Variants in SLC16A12 observed in about 807,000 individuals in gnomAD.
SLC16A12 encodes monocarboxylate transporter 12.
A neutral mutation model predicts 42.4 loss-of-function variants in SLC16A12; 17 were observed. That is an observed-to-expected ratio of 0.40 (90% confidence interval 0.27 to 0.60). The LOEUF (loss-of-function observed/expected upper bound fraction) is 0.60. Ranked by LOEUF, SLC16A12 falls within the 20% of genes least tolerant of loss-of-function variation. SLC16A12 has a pLI of 0.42. For synonymous variants in SLC16A12, 224 were observed against 229.4 expected (o/e 0.98, Z 0.21); for missense variants, 544 against 623.0 (o/e 0.87, Z 1.35).
At chr10:89,521,796 G>A (rs1190586153) in intron 2 of SLC16A12, among the ~76,000 whole-genome samples, 1 of 152,210 alleles carries the variant, frequency 6.6e-6, no homozygotes, top group Non-Finnish European at 1.5e-5. Context: ...CCTGTGATGT[G>A]TGTTGTTTTG....
At chr10:89,442,471 AT>A (rs1841929280) in intron 4 of SLC16A12, among the ~76,000 whole-genome samples, 1 of 152,188 alleles carries the variant, frequency 6.6e-6, no homozygotes, top group Admixed American at 6.5e-5. Context: ...GATTATGAAT[AT>A]CCTCCAAAAG....
chr10:89,511,488 C>A (rs1843161367), intron 2 of SLC16A12, among the ~76,000 whole-genome samples: 1 of 152,108 alleles, frequency 6.6e-6, no homozygotes, highest in Admixed American at 6.6e-5. Context: ...GAAGAGAAAA[C>A]CAAATGCTGC....
chr10:89,468,575 G>T (rs1287989228), intron 2 of SLC16A12, among the ~76,000 whole-genome samples: 1 of 152,196 alleles, frequency 6.6e-6, no homozygotes, highest in African/African-American at 2.4e-5. Flanking sequence ...CACGACAAAA[G>T]GAAGGGGGGA....
chr10:89,487,646 C>CAAA (rs761297191), intron 2 of SLC16A12, among the ~76,000 whole-genome samples: 15 of 106,352 alleles, frequency 1.4e-4, no homozygotes, highest in African/African-American at 4.8e-4. Flanking sequence ...ACTAAAAATA[C>CAAA]AAAAAAAAAA....
intron 2 of SLC16A12, among the ~76,000 whole-genome samples, chr10:89,549,250 A>G (rs1165426040): frequency 2.0e-5 from 3 of 152,228 alleles, no homozygotes; most frequent in Non-Finnish European, 4.4e-5. Flanking sequence ...GATAAAACCA[A>G]TACACATAAG....
intron 2 of SLC16A12, among the ~76,000 whole-genome samples, chr10:89,519,728 G>T (rs1843318711): frequency 6.6e-6 from 1 of 151,912 alleles, no homozygotes; most frequent in South Asian, 2.1e-4. Context: ...TATTGTCATT[G>T]CAGGGGGTGG....
chr10:89,471,949 T>C (rs572559678), intron 2 of SLC16A12, among the ~76,000 whole-genome samples: 2 of 152,314 alleles, frequency 1.3e-5, no homozygotes, highest in South Asian at 2.1e-4. Flanking sequence ...ATTCAAGTAT[T>C]ATGCCTATAT....
intron 3 of SLC16A12, among the ~76,000 whole-genome samples, chr10:89,451,997 C>T (rs1050476467): frequency 6.6e-6 from 1 of 152,192 alleles, no homozygotes; most frequent in East Asian, 1.9e-4. Flanking sequence ...TGAACCAAAA[C>T]CTGCTTCAAA....
chr10:89,536,231 G>A (rs574070708), upstream of SLC16A12, among the ~76,000 whole-genome samples: 1 of 152,250 alleles, frequency 6.6e-6, no homozygotes, highest in Non-Finnish European at 1.5e-5. Flanking sequence ...AAAAATACAA[G>A]GCCTCCTTTA....
At chr10:89,539,701 AT>A (rs562316581), upstream of SLC16A12, among the ~76,000 whole-genome samples, 65 of 152,316 alleles carry the variant, frequency 4.3e-4, no homozygotes, top group African/African-American at 1.5e-3. Context: ...CCTAAATAGA[AT>A]TTGAAATTTT....
At chr10:89,548,302 A>G (rs1448615142) in intron 2 of SLC16A12, among the ~76,000 whole-genome samples, 1 of 152,184 alleles carries the variant, frequency 6.6e-6, no homozygotes, top group Non-Finnish European at 1.5e-5. Context: ...AAAAGGTAGC[A>G]GCATGTGAAC....
At chr10:89,487,233 A>G (rs1842769652) in intron 2 of SLC16A12, among the ~76,000 whole-genome samples, 1 of 152,224 alleles carries the variant, frequency 6.6e-6, no homozygotes, top group African/African-American at 2.4e-5. Flanking sequence ...AATGCCCAGA[A>G]TGGTGTGGCA....
In SLC16A12 at chr10:89,455,205, G is replaced by C. The variant is rs568830522; in HGVS notation, c.200+7174C>G. On this transcript the variant is annotated intron_variant, in intron 3 of 7. Coordinates refer to ENST00000371790, the MANE Select transcript of SLC16A12 (RefSeq NM_213606.4). The stretch of plus-strand genomic sequence containing the variant: ...GGAGATGCAGAAGCTGGAGATGTAA[G>C]AGGATCACATGATGTCTAAGAGAAA... Among the ~76,000 whole-genome samples the C allele has an allele frequency of 2.0e-5, 3 of 152,166 alleles. No homozygotes were observed. In the South Asian group the frequency reaches 6.2e-4, roughly 31 times the overall value.
chr10:89,546,123 A>G (rs973104616), intron 2 of SLC16A12, among the ~76,000 whole-genome samples: 4 of 151,082 alleles, frequency 2.6e-5, no homozygotes, highest in Admixed American at 1.3e-4. Context: ...TTCAGGACAC[A>G]GGCATGGGCA....
At position 89,526,775 on chromosome 10, in the gene SLC16A12, T is replaced by C. The variant is rs139999432; in HGVS notation, c.-47+7726A>G. Among the ~76,000 whole-genome samples, 1,520 of 152,208 alleles carry C rather than the reference T, an allele frequency of 1.0e-2. 16 individuals are homozygous for C. Among genetic ancestry groups the C allele is most frequent in the Non-Finnish European group, 0.017 (1,136 of 68,008 alleles). ...ATCGGTCCGCCACCCATTGCCCTCA[T>C]GCCCTGTAACACAGCTCCAGAGGTG... On this transcript the variant is annotated intron_variant, in intron 2 of 7. Coordinates refer to ENST00000371790, the MANE Select transcript of SLC16A12 (RefSeq NM_213606.4).
chr10:89,495,279 A>G (rs1842908290), intron 2 of SLC16A12, among the ~76,000 whole-genome samples: 1 of 152,030 alleles, frequency 6.6e-6, no homozygotes, highest in African/African-American at 2.4e-5. Context: ...GCTTGAACCT[A>G]GGAGGCGGAG....
At chr10:89,456,157 G>T (rs1408452616) in intron 3 of SLC16A12, 2 of 152,066 alleles carry the variant, frequency 1.3e-5, no homozygotes, top group African/African-American at 4.8e-5. Flanking sequence ...ACTAACCATG[G>T]GACCTTGGAC....
intron 2 of SLC16A12, among the ~76,000 whole-genome samples, chr10:89,549,398 T>C (rs1036326805): frequency 6.6e-6 from 1 of 152,276 alleles, no homozygotes; most frequent in Non-Finnish European, 1.5e-5. Context: ...TACACATTCA[T>C]ATTAATTAGC....
intron 2 of SLC16A12, among the ~76,000 whole-genome samples, chr10:89,481,731 T>G (rs1254140974): frequency 2.0e-5 from 3 of 151,470 alleles, no homozygotes; most frequent in Non-Finnish European, 4.4e-5. Flanking sequence ...TATTCCAGCA[T>G]GGTTTTTCAC....
Sources: gnomAD v4.1 joint callset for allele counts (sites outside exome capture counted in the v4.1 genomes callset) on GRCh38, gnomAD v4.1.1 for gene constraint, MANE v1.5 for transcripts, NCBI Gene and HGNC (gene_info 2026-07-23, HGNC 2026-07-21) for gene names.